ADGRG1: variants seen among roughly 807,000 people sequenced by gnomAD.
The protein encoded by ADGRG1 is 7-transmembrane protein with no EGF-like N-terminal domains-1.
In ADGRG1, 53 loss-of-function variants were observed where a neutral mutation model predicts 73.5. That is an observed-to-expected ratio of 0.72 (90% CI 0.58 to 0.91). The LOEUF (loss-of-function observed/expected upper bound fraction) is 0.91. ADGRG1 is among the 40% of genes least tolerant of loss of function. ADGRG1 has a pLI of 0.00. For missense variants in ADGRG1, 795 were observed against 871.8 expected, an observed-to-expected ratio of 0.91 and a Z score of 1.11; for synonymous variants, 394 against 374.4, an observed-to-expected ratio of 1.05 and a Z score of -0.60.
chr16:57,621,693 G>C (rs2034850170), intron 2 of ADGRG1: 1 of 178,868 alleles, frequency 5.6e-6, no homozygotes, highest in Non-Finnish European at 1.1e-5. Context: ...TGGCACAGGA[G>C]CGACGATGCC....
upstream of ADGRG1, chr16:57,628,459 G>A: frequency 1.1e-6 from 1 of 950,534 alleles, no homozygotes; most frequent in Non-Finnish European, 1.3e-6. Context: ...CATCCCCCAG[G>A]ATCACTGCCT....
chr16:57,643,066 G>A (rs1417180972), intron 1 of ADGRG1: 1 of 152,188 alleles, frequency 6.6e-6, no homozygotes, highest in African/African-American at 2.4e-5. Context: ...GGATTCCAGG[G>A]CCCTTTTCAC....
chr16:57,639,895 A>T lies in ADGRG1; in HGVS notation c.-35-10358A>T, dbSNP rs57861639. ...GGGTGGGGGTGTGGTGGCACTAGGG[A>T]CCCTGGGGGGGTCAGATGGTACTCC... On this transcript the variant is annotated intron_variant, in intron 1 of 13. Transcript: ENST00000562631. 1.5e-3 allele frequency: 1,452 copies of T among 971,984 alleles called. 11 individuals carry two copies. The African/African-American group carries it at 0.024, about 16-fold the overall frequency. 60.2% of individuals were successfully genotyped at this position (971,984 alleles called of 1,614,324 possible).
chr16:57,642,034 A>G (rs1321075988), intron 1 of ADGRG1: 4 of 960,918 alleles, frequency 4.2e-6, no homozygotes, highest in Admixed American at 6.2e-5. Context: ...ACTACAGGCA[A>G]GCACTACTAC....
At chr16:57,639,221 A>G (rs1283782801) in intron 1 of ADGRG1, 1 of 982,948 alleles carries the variant, frequency 1.0e-6, no homozygotes, top group Admixed American at 6.1e-5. Flanking sequence ...GGGGCTCCCC[A>G]TAAATCGCTG....
chr16:57,646,475 T>C (rs1197605062), intron 1 of ADGRG1: 6 of 985,350 alleles, frequency 6.1e-6, no homozygotes, highest in Non-Finnish European at 7.2e-6. Flanking sequence ...TGGCCTGTTC[T>C]GTCCTGTGTG....
chr16:57,653,618 A>T (rs2044702266), intron 4 of ADGRG1: 1 of 976,014 alleles, frequency 1.0e-6, no homozygotes, highest in African/African-American at 1.8e-5. Flanking sequence ...ACCAAGGCTC[A>T]GAGACGGCAG....
chr16:57,663,863 G>A lies in ADGRG1; in HGVS notation c.*281G>A. ...TCCCCACATCTGTCCCAACCCAGCT[G>A]GAGGCCTGGTCTCTCCTTACAACCC... On this transcript the variant is annotated 3_prime_UTR_variant, in exon 14 of 14. Transcript: ENST00000562631. The A allele has an allele frequency of 1.9e-6, 1 of 521,866 alleles. No homozygotes were observed. Among genetic ancestry groups the A allele is most frequent in the South Asian group, 2.0e-5 (1 of 49,040 alleles). 32.3% of individuals were successfully genotyped at this position (521,866 alleles called of 1,614,324 possible). A position where few individuals can be genotyped will look rare whatever the true frequency, so the allele number is the denominator to read the frequency against.
chr16:57,630,100 C>G (rs191215299), intron 1 of ADGRG1: 2 of 783,680 alleles, frequency 2.6e-6, no homozygotes, highest in East Asian at 2.5e-4. Context: ...TGTGCTCTGT[C>G]GGGAACATGG....
At position 57,656,036 on chromosome 16, in the gene ADGRG1, A is replaced by C. The variant is rs373485593; in HGVS notation, c.1017+44A>C. 5.6e-6 allele frequency: 9 copies of C among 1,613,654 alleles called. No individual in the cohort carries two copies. The African/African-American group carries it at 1.2e-4, about 22-fold the overall frequency. On this transcript the variant is annotated intron_variant, in intron 7 of 13. Coordinates refer to ENST00000562631, the MANE Select transcript of ADGRG1 (RefSeq NM_201525.4). ...TCAAGAGAACAAGCGCCCCTCGGCC[A>C]TGTCACCCTTTCCTCTCCCTCCCTC...
chr16:57,629,970 C>T, intron 1 of ADGRG1: 3 of 984,556 alleles, frequency 3.0e-6, no homozygotes, highest in Middle Eastern at 5.2e-4. Context: ...CCCACCCCCA[C>T]CAATGTGGAG....
rs74022021 is a variant in ADGRG1 at position 57,663,680 on chromosome 16, C to T, written c.*98C>T. 7,861 of 1,402,216 alleles carry T rather than the reference C, an allele frequency of 5.6e-3. 357 individuals carry two copies. In the African/African-American group the frequency reaches 0.096, roughly 17 times the overall value. 86.9% of individuals were successfully genotyped at this position (1,402,216 alleles called of 1,614,324 possible). On this transcript the variant is annotated 3_prime_UTR_variant, in exon 14 of 14. Transcript: ENST00000562631. ...CCGGCCCAGCCCCAGGCCAGTCAGCCGCAGACTTTGGAAAGCCCAACGACC... is the reference window on the plus strand; with the variant it reads ...CCGGCCCAGCCCCAGGCCAGTCAGCTGCAGACTTTGGAAAGCCCAACGACC...
intron 1 of ADGRG1, chr16:57,634,945 A>G (rs537412838): frequency 2.4e-5 from 24 of 984,918 alleles, no homozygotes; most frequent in Non-Finnish European, 2.5e-5. Context: ...CTTCCAAGGA[A>G]CCTCCACCAT....
In ADGRG1 at chr16:57,653,014, A is replaced by G. The variant is rs1597488685; in HGVS notation, c.488-189A>G. 4 of 1,452,996 alleles carry G rather than the reference A, an allele frequency of 2.8e-6. No individual in the cohort carries two copies. The South Asian group carries it at 5.6e-5, about 20-fold the overall frequency. The allele number at this position is 1,452,996 out of a possible 1,614,324, so 90.0% of individuals were successfully genotyped here. On this transcript the variant is annotated intron_variant, in intron 3 of 13. Transcript: ENST00000562631. ...TTGCTGGCGGGTTCTGTAAGACACAACCCCCACGGGTTGGCCTCATCTGAG... is the reference window on the plus strand; with the variant it reads ...TTGCTGGCGGGTTCTGTAAGACACAGCCCCCACGGGTTGGCCTCATCTGAG...
chr16:57,647,591 G>A, intron 1 of ADGRG1: 1 of 381,520 alleles, frequency 2.6e-6, no homozygotes, highest in Non-Finnish European at 3.6e-6. Context: ...GAGAAGGTGA[G>A]TAACTAGCCC....
upstream of ADGRG1, chr16:57,623,923 T>C (rs1237858706): frequency 1.5e-6 from 1 of 650,526 alleles, no homozygotes; most frequent in African/African-American, 2.0e-5. Context: ...GCTGCAAAGC[T>C]TTGGGAAGTT....
chr16:57,647,459 C>G (rs1312615482), intron 1 of ADGRG1: 8 of 983,582 alleles, frequency 8.1e-6, no homozygotes, highest in African/African-American at 3.5e-5. Context: ...AGATACTTAG[C>G]TGAGACTGAT....
intron 2 of ADGRG1, chr16:57,622,694 A>C: frequency 2.7e-5 from 22 of 800,058 alleles, no homozygotes; most frequent in Non-Finnish European, 3.0e-5. Context: ...CCTGTTCTGG[A>C]TGGATCCATC....
intron 5 of ADGRG1, 198 bp from the exon 6 acceptor site, chr16:57,655,201 C>G: frequency 1.0e-6 from 1 of 985,428 alleles, no homozygotes; most frequent in Non-Finnish European, 1.2e-6. Context: ...ATTCTAACCA[C>G]AAGACTCCCC....
Sources: gnomAD v4.1 joint callset for allele counts on GRCh38, gnomAD v4.1.1 for gene constraint, MANE v1.5 for transcripts, NCBI Gene and HGNC (gene_info 2026-07-23, HGNC 2026-07-21) for gene names.